The following TTLL5 variants were observed in gnomAD, a reference collection of about 807,000 sequenced individuals.
TTLL5 encodes tubulin tyrosine ligase like 5, also known as tubulin polyglutamylase TTLL5.
TTLL5 carries 132 observed loss-of-function variants against 168.4 expected under a neutral mutation model. That is an observed-to-expected ratio of 0.78 (90% confidence interval 0.68 to 0.91). The LOEUF is 0.91. Among genes scored for constraint, TTLL5 ranks in the 40% least tolerant of loss-of-function variants. The pLI is 0.00. For synonymous variants in TTLL5, 546 were observed against 558.6 expected, an observed-to-expected ratio of 0.98 and a Z score of 0.32; for missense variants, 1,545 against 1,581.5, an observed-to-expected ratio of 0.98 and a Z score of 0.39.
chr14:75,931,907 T>C (rs2034289329), intron 31 of TTLL5, among the ~76,000 whole-genome samples: 1 of 152,206 alleles, frequency 6.6e-6, no homozygotes, highest in South Asian at 2.1e-4. Flanking sequence ...ATTTTACTTA[T>C]TGCCCTCTAC....
chr14:75,845,397 T>G (rs2139863982), intron 28 of TTLL5, among the ~76,000 whole-genome samples: 1 of 152,324 alleles, frequency 6.6e-6, no homozygotes, highest in African/African-American at 2.4e-5. Context: ...TTTTCCTTCT[T>G]CTTTGCACTT....
rs1343496834 is a variant in TTLL5 at position 75,875,155 on chromosome 14, G to T, written c.3523-7530G>T. On this transcript the variant is annotated intron_variant, in intron 29 of 31. Transcript: ENST00000298832. Reference sequence around the variant, plus strand: ...TCACCGTTTTAGCCAGGATGGTCTCGATCTCCTGACCTCCTGATCCGCCTG... The same window carrying T: ...TCACCGTTTTAGCCAGGATGGTCTCTATCTCCTGACCTCCTGATCCGCCTG... Among the ~76,000 whole-genome samples the T allele has an allele frequency of 4.7e-5, 7 of 149,436 alleles. No homozygotes were observed. In the South Asian group the frequency reaches 1.5e-3, roughly 31 times the overall value.
intron 18 of TTLL5, among the ~76,000 whole-genome samples, chr14:75,761,375 A>C (rs892361690): frequency 6.6e-5 from 10 of 152,212 alleles, no homozygotes; most frequent in Non-Finnish European, 1.3e-4. Context: ...AAATAAACAT[A>C]ATCACAAAAC....
Position 75,819,988 on chromosome 14 carries a change from T to G in TTLL5, c.3172-19T>G. 1.3e-6 allele frequency: 2 copies of G among 1,582,500 alleles called. No homozygotes were observed. Among genetic ancestry groups the G allele is most frequent in the Non-Finnish European group, 1.7e-6 (2 of 1,167,468 alleles). On this transcript the variant is annotated intron_variant, in intron 27 of 31. Transcript: ENST00000298832. ...AAAAACTCTGTAAAGTCAGGTTATT[T>G]CCCTCGCTTTATTTCTAGGTAACAA...
At chr14:75,698,656 G>A (rs1406966363) in intron 6 of TTLL5, among the ~76,000 whole-genome samples, 1 of 152,094 alleles carries the variant, frequency 6.6e-6, no homozygotes, top group Non-Finnish European at 1.5e-5. Flanking sequence ...TAATTCCGGC[G>A]CTTTGGGAGG....
intron 28 of TTLL5, among the ~76,000 whole-genome samples, chr14:75,826,842 A>G (rs766131218): frequency 1.6e-4 from 24 of 152,200 alleles, no homozygotes; most frequent in Non-Finnish European, 3.1e-4. Flanking sequence ...AAGAACATTG[A>G]TGATCCATAT....
chr14:75,730,865 G>A (rs553097681), intron 12 of TTLL5, among the ~76,000 whole-genome samples: 54 of 152,130 alleles, frequency 3.5e-4, no homozygotes, highest in South Asian at 1.2e-3. Flanking sequence ...GATTACAGGT[G>A]CCTGCCACCA....
At chr14:75,763,870 A>AT (rs1438062596) in intron 18 of TTLL5, among the ~76,000 whole-genome samples, 2 of 152,068 alleles carry the variant, frequency 1.3e-5, no homozygotes, top group African/African-American at 4.8e-5. Flanking sequence ...GCCTTGTCCT[A>AT]TCTCTGCTGC....
At chr14:75,850,776 A>C (rs895276998) in intron 28 of TTLL5, among the ~76,000 whole-genome samples, 9 of 152,122 alleles carry the variant, frequency 5.9e-5, no homozygotes, top group South Asian at 2.1e-4. Flanking sequence ...TGTAAAGAAG[A>C]CTTTAAGGGT....
intron 17 of TTLL5, among the ~76,000 whole-genome samples, chr14:75,749,640 T>C (rs1454765304): frequency 6.6e-6 from 1 of 152,080 alleles, no homozygotes. Context: ...AGTGCATCAT[T>C]TTCTGTTTAT....
chr14:75,668,154 T>G (rs968259320), intron 2 of TTLL5, among the ~76,000 whole-genome samples: 2 of 152,148 alleles, frequency 1.3e-5, no homozygotes, highest in African/African-American at 2.4e-5. Flanking sequence ...TATGTGAGTT[T>G]TTAAGAGTCG....
intron 15 of TTLL5, 83 bp from the exon 16 acceptor site, chr14:75,745,012 T>A (rs933720702): frequency 7.6e-6 from 8 of 1,055,332 alleles, no homozygotes; most frequent in Non-Finnish European, 1.1e-5. Context: ...AAAATAATGA[T>A]GTTGAGGGAA....
intron 26 of TTLL5, 75 bp downstream of exon 26, chr14:75,783,605 T>C: frequency 2.0e-6 from 3 of 1,531,470 alleles, no homozygotes; most frequent in Non-Finnish European, 1.8e-6. Flanking sequence ...TGTCATCTCT[T>C]CCCTTTGCCT....
intron 9 of TTLL5, chr14:75,710,415 C>T: frequency 6.6e-6 from 1 of 151,806 alleles, no homozygotes; most frequent in South Asian, 2.1e-4. Flanking sequence ...CACACACACA[C>T]ACACACACAC....
chr14:75,875,496 C>T (rs991150528), intron 29 of TTLL5, among the ~76,000 whole-genome samples: 1 of 150,726 alleles, frequency 6.6e-6, no homozygotes, highest in African/African-American at 2.4e-5. Context: ...GAGCCGAGAT[C>T]GTGCCACTGC....
intron 29 of TTLL5, among the ~76,000 whole-genome samples, chr14:75,881,604 A>G (rs1276907855): frequency 2.0e-5 from 3 of 152,214 alleles, no homozygotes; most frequent in Admixed American, 1.3e-4. Flanking sequence ...GAAGATGAAT[A>G]TTTCCTAAGA....
chr14:75,870,444 G>C (rs1002939699), intron 29 of TTLL5, among the ~76,000 whole-genome samples: 1 of 151,732 alleles, frequency 6.6e-6, no homozygotes, highest in African/African-American at 2.4e-5. Context: ...ATCTTAATAA[G>C]GTGTTCTTGG....
rs561027697 is a variant in TTLL5, at chr14:75,745,530, G to A, written c.1436G>A (p.Arg479Gln). Residue 479 changes from arginine (R) to glutamine (Q), a missense_variant, in exon 17 of 32, where the codon CGA (arginine) becomes CAA (glutamine). Physicochemically the swap from Arg to Gln is conservative, Grantham distance 43. Coordinates refer to ENST00000298832, the MANE Select transcript of TTLL5 (RefSeq NM_015072.5). ...AGGGTGAAGGAGGAGAATGATCGGC[G>A]AGGTGGATTTATTCGCATATTTCCT... ...LRRVKEENDR[R>Q]GGFIRIFPTS... 8 of 1,613,788 alleles carry A rather than the reference G, an allele frequency of 5.0e-6. No individual in the cohort carries two copies. Among genetic ancestry groups the A allele is most frequent in the Middle Eastern group, 1.6e-4 (1 of 6,062 alleles).
chr14:75,809,724 T>C (rs1457520812), intron 27 of TTLL5, among the ~76,000 whole-genome samples: 1 of 152,162 alleles, frequency 6.6e-6, no homozygotes, highest in Non-Finnish European at 1.5e-5. Flanking sequence ...CTCCTTCCCC[T>C]TTTTCCCTTC....
Sources: gnomAD v4.1 joint callset for allele counts (sites outside exome capture counted in the v4.1 genomes callset) on GRCh38, gnomAD v4.1.1 for gene constraint, MANE v1.5 for transcripts, NCBI Gene and HGNC (gene_info 2026-07-23, HGNC 2026-07-21) for gene names.